R3HDM2: variants seen among roughly 807,000 people sequenced by gnomAD.
The protein encoded by R3HDM2 is R3H domain-containing protein 2.
Under a neutral mutation model 124.5 loss-of-function variants are expected in R3HDM2, and 38 were observed. That is an observed-to-expected ratio of 0.31 (90% CI 0.24 to 0.40). The LOEUF (loss-of-function observed/expected upper bound fraction) is 0.40, where lower values mean the gene tolerates loss of function less well. R3HDM2 is among the 10% of genes least tolerant of loss of function. R3HDM2 has a pLI of 1.00. For missense variants in R3HDM2, 869 were observed against 1,236.9 expected (o/e 0.70, Z 4.46); for synonymous variants, 391 against 448.0 (o/e 0.87, Z 1.61).
intron 2 of R3HDM2, among the ~76,000 whole-genome samples, chr12:57,381,984 T>G (rs574034891): frequency 4.7e-5 from 7 of 150,392 alleles, no homozygotes; most frequent in South Asian, 2.1e-4. Flanking sequence ...CCTGGCTAAT[T>G]TTTTTTTTTC....
chr12:57,352,241 C>CAAAAAAAAA (rs776229504), intron 2 of R3HDM2, among the ~76,000 whole-genome samples: 2 of 48,468 alleles, frequency 4.1e-5, no homozygotes, highest in Non-Finnish European at 4.4e-5. Context: ...GACTCCATCT[C>CAAAAAAAAA]AAAAAAAAAA....
intron 2 of R3HDM2, among the ~76,000 whole-genome samples, chr12:57,342,139 T>C (rs1473735765): frequency 6.6e-6 from 1 of 152,124 alleles, no homozygotes; most frequent in Non-Finnish European, 1.5e-5. Flanking sequence ...AGGACTTTTA[T>C]ATAAAAAAAG....
intron 2 of R3HDM2, among the ~76,000 whole-genome samples, chr12:57,332,366 G>GACTGCATC (rs1159105698): frequency 1.6e-5 from 2 of 128,460 alleles, no homozygotes; most frequent in Non-Finnish European, 3.1e-5. Flanking sequence ...AGTGAGCTGT[G>GACTGCATC]ACTGCATCAC....
intron 1 of R3HDM2, among the ~76,000 whole-genome samples, chr12:57,428,610 G>A (rs937463083): frequency 1.7e-4 from 26 of 151,628 alleles, no homozygotes; most frequent in African/African-American, 6.3e-4. Flanking sequence ...AGCCGAGATT[G>A]CACCACTGCG....
chr12:57,293,775 C>A (rs1379469814), intron 10 of R3HDM2, among the ~76,000 whole-genome samples: 1 of 152,208 alleles, frequency 6.6e-6, no homozygotes, highest in Admixed American at 6.5e-5. Context: ...TCTTCCTGAT[C>A]TTTACCAATC....
At chr12:57,284,950 C>G (rs919262915) in intron 12 of R3HDM2, among the ~76,000 whole-genome samples, 2 of 152,202 alleles carry the variant, frequency 1.3e-5, no homozygotes, top group Non-Finnish European at 2.9e-5. Context: ...CCTGAAAACC[C>G]TGTCTTGTTG....
rs1184307437 is a variant in R3HDM2, at chr12:57,266,811, T to G, written c.2051A>C (p.Gln684Pro). Residue 684 changes from glutamine to proline, a missense_variant, in exon 19 of 24, where the codon CAA becomes CCA. This residue lies in a region of R3HDM2 where 602 missense variants were observed against 789.2 expected (regional missense o/e 0.76). Coordinates refer to ENST00000402412, the MANE Select transcript of R3HDM2 (RefSeq NM_001394031.1). ...CTGGTACTGCTCAGAGCCAGGGGGT[T>G]GCAGAAACCCTACAGAAGGGCTGGG... is the stretch of plus-strand genomic sequence containing the variant. ...NGTSPSVGFLQPPGSEQYQMP... is the reference protein window; with the variant it reads ...NGTSPSVGFLPPPGSEQYQMP... 1 of 1,607,424 alleles carries G rather than the reference T, an allele frequency of 6.2e-7. No homozygotes were observed. Among genetic ancestry groups the G allele is most frequent in the South Asian group, 1.1e-5 (1 of 90,802 alleles).
intron 2 of R3HDM2, among the ~76,000 whole-genome samples, chr12:57,364,171 G>A (rs149159030): frequency 0.011 from 1,523 of 138,988 alleles, 30 homozygotes; most frequent in African/African-American, 0.038. Context: ...TTTTTCAGAT[G>A]GAGTATCACT....
At chr12:57,395,679 T>G in intron 2 of R3HDM2, 70 bp downstream of exon 2, 16 of 610,120 alleles carry the variant, frequency 2.6e-5, no homozygotes, top group Non-Finnish European at 3.1e-5. Flanking sequence ...GAGGATTAAA[T>G]GAGAACAGAT....
chr12:57,301,704 CCTT>C (rs2051214971), intron 4 of R3HDM2, among the ~76,000 whole-genome samples: 1 of 152,206 alleles, frequency 6.6e-6, no homozygotes, highest in Non-Finnish European at 1.5e-5. Flanking sequence ...TAGTTCTTGG[CCTT>C]CTTCAAACTC....
chr12:57,311,747 G>C (rs548184714), intron 2 of R3HDM2, among the ~76,000 whole-genome samples: 3 of 152,304 alleles, frequency 2.0e-5, no homozygotes, highest in Admixed American at 6.5e-5. Flanking sequence ...CCTTCAGAAA[G>C]ATTGGGTCCC....
At chr12:57,418,845 G>A (rs371845355) in intron 1 of R3HDM2, among the ~76,000 whole-genome samples, 1 of 152,162 alleles carries the variant, frequency 6.6e-6, no homozygotes, top group East Asian at 1.9e-4. Context: ...TAACAGGCAT[G>A]AGTCACTGCA....
chr12:57,281,651 A>T (rs1183098515), intron 13 of R3HDM2, among the ~76,000 whole-genome samples: 3 of 151,852 alleles, frequency 2.0e-5, no homozygotes, highest in Non-Finnish European at 4.4e-5. Context: ...ACGCCCAACT[A>T]ATTTTGATGT....
intron 2 of R3HDM2, among the ~76,000 whole-genome samples, chr12:57,317,987 C>CAAA (rs750938224): frequency 1.5e-5 from 1 of 64,880 alleles, no homozygotes; most frequent in Non-Finnish European, 4.8e-5. Flanking sequence ...CCCCGCCCCC[C>CAAA]CAAAAAAAAA....
At position 57,268,510 on chromosome 12, in the gene R3HDM2, T is replaced by TTGA; in HGVS notation, c.1876-54_1876-53insTCA. On this transcript the variant is annotated intron_variant, in intron 17 of 23. Coordinates refer to ENST00000402412, the MANE Select transcript of R3HDM2 (RefSeq NM_001394031.1). ...CACATTCGCATTCACATTGAGCTCA[T>TTGA]GCAGAAACAGCCTAGTCATCACGAG... The TTGA allele has an allele frequency of 1.9e-6, 3 of 1,577,854 alleles. No homozygotes were observed. The Admixed American group carries it at 5.0e-5, about 27-fold the overall frequency.
intron 2 of R3HDM2, among the ~76,000 whole-genome samples, chr12:57,354,598 T>A (rs2061051587): frequency 6.6e-6 from 1 of 151,956 alleles, no homozygotes; most frequent in Non-Finnish European, 1.5e-5. Context: ...CCTGCCTGCA[T>A]TTTTTTAATG....
At chr12:57,383,345 GTGT>G (rs1346680516) in intron 2 of R3HDM2, among the ~76,000 whole-genome samples, 2 of 152,088 alleles carry the variant, frequency 1.3e-5, no homozygotes, top group African/African-American at 4.8e-5. Context: ...CTATTATTTT[GTGT>G]TATTATTAAG....
intron 14 of R3HDM2, among the ~76,000 whole-genome samples, chr12:57,279,432 C>T (rs1252246903): frequency 6.6e-6 from 1 of 150,792 alleles, no homozygotes; most frequent in Admixed American, 6.6e-5. Flanking sequence ...ATTCACCCGC[C>T]TCAGCCTCCC....
At chr12:57,348,097 T>C (rs141346794) in intron 2 of R3HDM2, among the ~76,000 whole-genome samples, 132 of 152,232 alleles carry the variant, frequency 8.7e-4, no homozygotes, top group South Asian at 2.5e-3. Context: ...GGTCAAAAGG[T>C]ATCAAAATAT....
Sources: allele counts gnomAD v4.1 joint callset (sites outside exome capture counted in the v4.1 genomes callset), GRCh38; gene constraint gnomAD v4.1.1; regional missense constraint gnomAD v4.1.1; transcripts MANE v1.5; gene names NCBI Gene and HGNC (gene_info 2026-07-23, HGNC 2026-07-21).